Variants in RASA2 observed in about 807,000 individuals in gnomAD.
The protein encoded by RASA2 is ras GTPase-activating protein 2.
RASA2 carries 155 observed loss-of-function variants against 118.2 expected under a neutral mutation model. The observed-to-expected ratio is 1.31, with a 90% CI of 1.15 to 1.50. RASA2 has a LOEUF of 1.50. RASA2 is among the 40% of genes most tolerant of loss of function. The probability of loss-of-function intolerance (pLI) is 0.00; values close to 1 mark genes in which losing one functional copy is unlikely to be tolerated. For synonymous variants in RASA2, 353 were observed against 349.1 expected, an observed-to-expected ratio of 1.01 and a Z score of -0.12; for missense variants, 1,016 against 1,009.6, an observed-to-expected ratio of 1.01 and a Z score of -0.09.
rs1228028572 is a variant in RASA2 at position 141,570,918 on chromosome 3, G to A, written c.870G>A (p.Leu290=). 1.2e-6 allele frequency: 2 copies of A among 1,603,116 alleles called. No individual in the cohort carries two copies. Among genetic ancestry groups the A allele is most frequent in the Non-Finnish European group, 8.5e-7 (1 of 1,176,530 alleles). ...RTDSSHQAWY[L]LQPRDNGNKS... ...ACTTATATTTTTACTTTAGGTACTT[G>A]CTACAGCCAAGAGACAATGGAAACA... is the stretch of plus-strand genomic sequence containing the variant. Residue 290 remains leucine, a synonymous_variant, in exon 10 of 24, where the codon TTG becomes TTA. Coordinates refer to ENST00000286364, the MANE Select transcript of RASA2 (RefSeq NM_006506.5).
chr3:141,573,180 C>A lies in RASA2; in HGVS notation c.1318C>A (p.Pro440Thr). 3 of 1,537,554 alleles carry A rather than the reference C, an allele frequency of 2.0e-6. No homozygotes were observed. The highest frequency in any genetic ancestry group is 2.5e-5 in the South Asian group (2 of 79,402). The change falls in exon 13 of 24, where the codon CCT becomes ACT. Residue 440 changes from proline (P) to threonine (T), a missense_variant. Physicochemically the swap from Pro to Thr is conservative, Grantham distance 38. Coordinates refer to ENST00000286364, the MANE Select transcript of RASA2 (RefSeq NM_006506.5). ...CDSSKSCEID[P>T]IKLKEGDNVE... ...CTCCTCAAAATCCTGTGAAATCGAT[C>A]CTATTAAATTGAAAGAGGGAGATAA...
chr3:141,541,145 A>G (rs766837105), intron 5 of RASA2, among the ~76,000 whole-genome samples: 14 of 152,100 alleles, frequency 9.2e-5, no homozygotes, highest in Non-Finnish European at 1.8e-4. Context: ...ACTCTGTGAT[A>G]TCAATAGACT....
intron 3 of RASA2, among the ~76,000 whole-genome samples, chr3:141,517,828 T>G (rs2082050646): frequency 6.6e-6 from 1 of 152,078 alleles, no homozygotes; most frequent in Non-Finnish European, 1.5e-5. Flanking sequence ...TAATTTTTTT[T>G]GTATTTTTAG....
chr3:141,524,229 GCTGA>G (rs1200143320), intron 3 of RASA2, among the ~76,000 whole-genome samples: 2 of 152,142 alleles, frequency 1.3e-5, no homozygotes, highest in Non-Finnish European at 1.5e-5. Context: ...GATGGTTGGT[GCTGA>G]CTATTAGCTG....
intron 3 of RASA2, among the ~76,000 whole-genome samples, 176 bp from the exon 4 acceptor site, chr3:141,529,532 G>A (rs766957214): frequency 6.6e-6 from 1 of 152,108 alleles, no homozygotes; most frequent in Non-Finnish European, 1.5e-5. Flanking sequence ...GGAGAAATGA[G>A]ACACTTTTTC....
intron 1 of RASA2, among the ~76,000 whole-genome samples, chr3:141,503,752 CTG>C (rs1458131414): frequency 6.6e-6 from 1 of 152,164 alleles, no homozygotes; most frequent in East Asian, 1.9e-4. Flanking sequence ...GACTTTTTGT[CTG>C]TTTTGCTCAC....
chr3:141,554,625 T>C (rs2082621297), intron 6 of RASA2, among the ~76,000 whole-genome samples: 1 of 152,202 alleles, frequency 6.6e-6, no homozygotes, highest in Admixed American at 6.5e-5. Flanking sequence ...GTATTCCCTC[T>C]ACACACACAT....
intron 1 of RASA2, 149 bp from the exon 2 acceptor site, chr3:141,512,014 G>T (rs937384493): frequency 1.3e-5 from 8 of 596,388 alleles, no homozygotes; most frequent in Middle Eastern, 3.9e-4. Context: ...ATCTCCTTTA[G>T]ACCAGCTTGA....
rs574608759 is a variant in RASA2 at position 141,577,170 on chromosome 3, GATAAA to G, written c.1590+70_1590+74del. The G allele has an allele frequency of 6.7e-4, 872 of 1,310,026 alleles. 5 individuals carry two copies. The African/African-American group carries it at 0.011, about 16-fold the overall frequency. The allele number at this position is 1,310,026 out of a possible 1,614,324, so 81.2% of individuals were successfully genotyped here. A position where few individuals can be genotyped will look rare whatever the true frequency, so the allele number is the denominator to read the frequency against. ...TTAATTTTTATTAAAATGAAGAAAA[GATAAA>G]ATAAACCAATTTCACTAGGCTGTAT... is the stretch of plus-strand genomic sequence containing the variant. On this transcript the variant is annotated intron_variant, in intron 15 of 23. Transcript: ENST00000286364.
chr3:141,491,468 C>T (rs1183732344), intron 1 of RASA2, among the ~76,000 whole-genome samples: 1 of 152,116 alleles, frequency 6.6e-6, no homozygotes, highest in Non-Finnish European at 1.5e-5. Flanking sequence ...GATTCTTGTT[C>T]ATTTTTAAAA....
chr3:141,527,400 G>A (rs2082200202), intron 3 of RASA2, among the ~76,000 whole-genome samples: 1 of 151,938 alleles, frequency 6.6e-6, no homozygotes, highest in Non-Finnish European at 1.5e-5. Context: ...CCTTTTTCTG[G>A]GGAGAGGACA....
intron 1 of RASA2, among the ~76,000 whole-genome samples, chr3:141,499,690 C>G (rs2081750914): frequency 6.6e-6 from 1 of 152,186 alleles, no homozygotes; most frequent in Non-Finnish European, 1.5e-5. Flanking sequence ...ACCTCCACCT[C>G]CCAGGTTCGA....
rs373404152 is a variant in RASA2 at position 141,560,831 on chromosome 3, A to G, written c.863+836A>G. 1.6e-4 allele frequency among the ~76,000 whole-genome samples: 25 copies of G among 152,222 alleles called. No homozygotes were observed. In the East Asian group the frequency reaches 4.1e-3, roughly 25 times the overall value. On this transcript the variant is annotated intron_variant, in intron 9 of 23. Transcript: ENST00000286364. Reference sequence around the variant, plus strand: ...TTGGATCTCAGTTTCTGCTGCCTCAAAGAGGAGTGTTTAGGTGTTTCTTAT... The same window carrying G: ...TTGGATCTCAGTTTCTGCTGCCTCAGAGAGGAGTGTTTAGGTGTTTCTTAT...
intron 14 of RASA2, among the ~76,000 whole-genome samples, chr3:141,576,379 T>C (rs1036344858): frequency 6.6e-6 from 1 of 152,238 alleles, no homozygotes; most frequent in Non-Finnish European, 1.5e-5. Flanking sequence ...CTAAAGATTC[T>C]TTCCCTCACC....
At chr3:141,598,421 TAAA>T (rs1033699435) in intron 19 of RASA2, among the ~76,000 whole-genome samples, 48 of 152,178 alleles carry the variant, frequency 3.2e-4, no homozygotes, top group Non-Finnish European at 5.7e-4. Context: ...TTAAAGAAAA[TAAA>T]AACTCTTGAA....
intron 23 of RASA2, among the ~76,000 whole-genome samples, chr3:141,610,339 TTATA>T (rs995976991): frequency 7.3e-6 from 1 of 137,060 alleles, no homozygotes; most frequent in African/African-American, 2.7e-5. Flanking sequence ...AATATATATT[TTATA>T]TATATTTATA....
intron 1 of RASA2, among the ~76,000 whole-genome samples, chr3:141,502,097 G>T (rs1480062348): frequency 6.6e-6 from 1 of 152,098 alleles, no homozygotes; most frequent in African/African-American, 2.4e-5. Context: ...TGCACAACTG[G>T]TAAGTATATA....
chr3:141,508,219 G>A (rs1269985621), intron 1 of RASA2, among the ~76,000 whole-genome samples: 1 of 151,892 alleles, frequency 6.6e-6, no homozygotes, highest in Non-Finnish European at 1.5e-5. Context: ...TGTGGTTAGT[G>A]GATAAAAAGA....
At chr3:141,487,624 T>C (rs1025522825) in intron 1 of RASA2, among the ~76,000 whole-genome samples, 6 of 149,120 alleles carry the variant, frequency 4.0e-5, no homozygotes, top group South Asian at 2.1e-4. Context: ...CGCTGGGGAG[T>C]GGCCCCGCGG....
Sources: gnomAD v4.1 joint callset for allele counts (sites outside exome capture counted in the v4.1 genomes callset) on GRCh38, gnomAD v4.1.1 for gene constraint, MANE v1.5 for transcripts, NCBI Gene and HGNC (gene_info 2026-07-23, HGNC 2026-07-21) for gene names.